Variants in SRC observed in about 807,000 individuals in gnomAD.
The protein encoded by SRC is proto-oncogene tyrosine-protein kinase Src.
In SRC, 13 loss-of-function variants were observed where a neutral mutation model predicts 62.9. That is an observed-to-expected ratio of 0.21 (90% CI 0.13 to 0.33). SRC has a LOEUF of 0.33. Among genes scored for constraint, SRC ranks in the 10% least tolerant of loss-of-function variants. The probability of loss-of-function intolerance (pLI) is 1.00; values close to 1 mark genes in which losing one functional copy is unlikely to be tolerated. For synonymous variants in SRC, 302 were observed against 317.5 expected, an observed-to-expected ratio of 0.95 and a Z score of 0.52; for missense variants, 457 against 737.3, an observed-to-expected ratio of 0.62 and a Z score of 4.40.
At chr20:37,370,694 A>G (rs2070149157) in intron 2 of SRC, among the ~76,000 whole-genome samples, 1 of 152,210 alleles carries the variant, frequency 6.6e-6, no homozygotes. Flanking sequence ...ATTTATATAC[A>G]TGTAATATAT....
Position 37,373,444 on chromosome 20 carries a change from TACGCATATATGCATATATAC to T in SRC, c.-173+8170_-173+8189del, listed in dbSNP as rs2070228053. 3.2e-5 allele frequency among the ~76,000 whole-genome samples: 3 copies of T among 95,016 alleles called. No homozygotes were observed. The East Asian group carries it at 8.7e-4, about 28-fold the overall frequency. The allele number at this position is 95,016 out of a possible 152,430, so 62.3% of individuals were successfully genotyped here. ...ATATATGCGTGTATATACGCATATA[TACGCATATATGCATATATAC>T]ACACACACATACATATATATATTTT... is the stretch of plus-strand genomic sequence containing the variant. On this transcript the variant is annotated intron_variant, in intron 2 of 13. Transcript: ENST00000373578.
chr20:37,366,921 G>A (rs1015920108), intron 2 of SRC, among the ~76,000 whole-genome samples: 2 of 151,974 alleles, frequency 1.3e-5, no homozygotes, highest in African/African-American at 4.8e-5. Flanking sequence ...TGGTAATTCC[G>A]TGTTTAACTT....
chr20:37,389,917 C>T (rs780137220), intron 5 of SRC, among the ~76,000 whole-genome samples: 16 of 152,112 alleles, frequency 1.1e-4, no homozygotes, highest in African/African-American at 3.6e-4. Flanking sequence ...GGACCAGGCC[C>T]GGGGGAAGGT....
At position 37,384,481 on chromosome 20, in the gene SRC, C is replaced by A; in HGVS notation, c.250+78C>A. On this transcript the variant is annotated intron_variant, in intron 4 of 13. Coordinates refer to ENST00000373578, the MANE Select transcript of SRC (RefSeq NM_198291.3). This position sits in a 1 kb window ranked among gnomAD's most constrained non-coding sequence, Gnocchi z 6.7. ...GGCGGCGGGGCTGTGTGCCCGGGGTCGCCCCCTCTGCGCAGGCCCTTCCTC... is the reference window on the plus strand; with the variant it reads ...GGCGGCGGGGCTGTGTGCCCGGGGTAGCCCCCTCTGCGCAGGCCCTTCCTC... 7.8e-7 allele frequency: 1 copy of A among 1,275,100 alleles called. No individual in the cohort carries two copies. The highest frequency in any genetic ancestry group is 2.6e-5 in the South Asian group (1 of 38,602). 79.0% of individuals were successfully genotyped at this position (1,275,100 alleles called of 1,614,324 possible).
chr20:37,398,251 C>T lies in SRC; in HGVS notation c.859+397C>T. ...AGCTGTTCGCCATGGAGAGAGAAGC[C>T]CGGCTCGCAGGAGGGAGTGCTGGGA... On this transcript the variant is annotated intron_variant, in intron 9 of 13. Coordinates refer to ENST00000373578, the MANE Select transcript of SRC (RefSeq NM_198291.3). This position sits in a 1 kb window ranked among gnomAD's most constrained non-coding sequence, Gnocchi z 5.2. Among the ~76,000 whole-genome samples, 2 of 152,132 alleles carry T rather than the reference C, an allele frequency of 1.3e-5. 1 individual carries two copies. Among genetic ancestry groups the T allele is most frequent in the Non-Finnish European group, 2.9e-5 (2 of 68,028 alleles).
intron 7 of SRC, among the ~76,000 whole-genome samples, chr20:37,394,850 G>T (rs1031382218): frequency 6.6e-6 from 1 of 152,150 alleles, no homozygotes. Context: ...CATCCATGTC[G>T]AGCCGTGCAT....
At chr20:37,385,715 G>A (rs754261835) in intron 4 of SRC, among the ~76,000 whole-genome samples, 2 of 152,198 alleles carry the variant, frequency 1.3e-5, no homozygotes, top group Non-Finnish European at 1.5e-5. Context: ...TCTTTCTTGA[G>A]CACCTACTAT....
rs562064689 is a variant in SRC, at chr20:37,390,388, C to CTTT, written c.351-3482_351-3480dup. The stretch of plus-strand genomic sequence containing the variant: ...CATGTTGTGCTGGGCTCTGATCTGG[C>CTTT]TTTTTTTTTTTTTTTTTTTTTTTTT... On this transcript the variant is annotated intron_variant, in intron 5 of 13. Transcript: ENST00000373578. 2.3e-4 allele frequency among the ~76,000 whole-genome samples: 20 copies of CTTT among 85,650 alleles called. 3 individuals are homozygous for CTTT. The highest frequency in any genetic ancestry group is 1.5e-3 in the South Asian group (4 of 2,684). 56.2% of individuals were successfully genotyped at this position (85,650 alleles called of 152,430 possible).
At position 37,384,512 on chromosome 20, in the gene SRC, A is replaced by G. The variant is rs1234115689; in HGVS notation, c.250+109A>G. Reference sequence around the variant, plus strand: ...CTCTGCGCAGGCCCTTCCTCTCGCCAGGGGTAGCGCCCCTGGGTGACTTGG... The same window carrying G: ...CTCTGCGCAGGCCCTTCCTCTCGCCGGGGGTAGCGCCCCTGGGTGACTTGG... On this transcript the variant is annotated intron_variant, in intron 4 of 13. Transcript: ENST00000373578. The surrounding 1 kb of genome is among the most constrained non-coding windows in gnomAD (Gnocchi z 6.7). 27 of 628,062 alleles carry G rather than the reference A, an allele frequency of 4.3e-5. No homozygotes were observed. The highest frequency in any genetic ancestry group is 4.4e-5 in the Non-Finnish European group (22 of 501,128). 38.9% of individuals were successfully genotyped at this position (628,062 alleles called of 1,614,324 possible).
At chr20:37,393,530 C>G (rs942301502) in intron 5 of SRC, among the ~76,000 whole-genome samples, 1 of 151,096 alleles carries the variant, frequency 6.6e-6, no homozygotes, top group South Asian at 2.1e-4. Context: ...TTCCCTCCCT[C>G]CCTCCCAAGG....
chr20:37,346,144 C>A lies in SRC; in HGVS notation c.-358C>A. The A allele has an allele frequency of 6.6e-6, 1 of 152,526 alleles. No individual in the cohort carries two copies. The highest frequency in any genetic ancestry group is 1.8e-4 in the South Asian group (1 of 5,626). 9.4% of individuals were successfully genotyped at this position (152,526 alleles called of 1,614,324 possible). A position where few individuals can be genotyped will look rare whatever the true frequency, so the allele number is the denominator to read the frequency against. On this transcript the variant is annotated 5_prime_UTR_variant, in exon 1 of 14. Coordinates refer to ENST00000373578, the MANE Select transcript of SRC (RefSeq NM_198291.3). ...GTCTCTCCCGGCCCGGAATCCATTC[C>A]GGCCTGGGAGCCGGAGCGGCCAGGC...
At chr20:37,382,995 T>G (rs1028378513) in intron 3 of SRC, among the ~76,000 whole-genome samples, 2 of 152,242 alleles carry the variant, frequency 1.3e-5, no homozygotes, top group African/African-American at 2.4e-5. Context: ...TGAAGTCCCT[T>G]AGCTCTTAAA....
chr20:37,367,759 A>G (rs1037626610), intron 2 of SRC, among the ~76,000 whole-genome samples: 3 of 151,736 alleles, frequency 2.0e-5, no homozygotes, highest in Non-Finnish European at 4.4e-5. Flanking sequence ...CAATCCTCCC[A>G]TCTCAGCCTC....
chr20:37,354,100 T>C (rs1375022624), intron 1 of SRC, among the ~76,000 whole-genome samples: 1 of 152,188 alleles, frequency 6.6e-6, no homozygotes, highest in Non-Finnish European at 1.5e-5. Flanking sequence ...CACCCCGTTA[T>C]CCAGATGGGA....
intron 9 of SRC, among the ~76,000 whole-genome samples, chr20:37,399,314 AT>A (rs1054540859): frequency 6.6e-6 from 1 of 152,068 alleles, no homozygotes; most frequent in African/African-American, 2.4e-5. Context: ...ACAGTGTCTC[AT>A]TTTGGGGGGC....
intron 2 of SRC, among the ~76,000 whole-genome samples, chr20:37,377,305 G>A (rs1489092972): frequency 6.6e-6 from 1 of 152,206 alleles, no homozygotes; most frequent in Non-Finnish European, 1.5e-5. Flanking sequence ...TTTTAAAGGG[G>A]AGGAAACTCA....
chr20:37,392,172 C>A (rs569757225), intron 5 of SRC, among the ~76,000 whole-genome samples: 1 of 152,118 alleles, frequency 6.6e-6, no homozygotes, highest in South Asian at 2.1e-4. Context: ...GTGTGTGTAG[C>A]CATCACAGAG....
Position 37,384,516 on chromosome 20 carries a change from G to A in SRC, c.250+113G>A. The A allele has an allele frequency of 8.7e-7, 1 of 1,146,170 alleles. No individual in the cohort carries two copies. Among genetic ancestry groups the A allele is most frequent in the Non-Finnish European group, 1.1e-6 (1 of 910,656 alleles). 71.0% of individuals were successfully genotyped at this position (1,146,170 alleles called of 1,614,324 possible). A position where few individuals can be genotyped will look rare whatever the true frequency, so the allele number is the denominator to read the frequency against. On this transcript the variant is annotated intron_variant, in intron 4 of 13. Transcript: ENST00000373578. The surrounding 1 kb of genome is among the most constrained non-coding windows in gnomAD (Gnocchi z 6.7). Reference sequence around the variant, plus strand: ...GCGCAGGCCCTTCCTCTCGCCAGGGGTAGCGCCCCTGGGTGACTTGGGTGT... The same window carrying A: ...GCGCAGGCCCTTCCTCTCGCCAGGGATAGCGCCCCTGGGTGACTTGGGTGT...
In SRC at chr20:37,397,539, T is replaced by G. The variant is rs974330554; in HGVS notation, c.704-160T>G. 1.3e-5 allele frequency among the ~76,000 whole-genome samples: 2 copies of G among 151,658 alleles called. No homozygotes were observed. Among genetic ancestry groups the G allele is most frequent in the African/African-American group, 4.9e-5 (2 of 41,218 alleles). The stretch of plus-strand genomic sequence containing the variant: ...AAAGCACTGTGGGCCTGTGTGGGGG[T>G]GGGGCTGTGTGCACACAGATGTAGA... On this transcript the variant is annotated intron_variant, in intron 8 of 13. Coordinates refer to ENST00000373578, the MANE Select transcript of SRC (RefSeq NM_198291.3). The surrounding 1 kb of genome is among the most constrained non-coding windows in gnomAD (Gnocchi z 4.1).
Sources: gnomAD v4.1 joint callset for allele counts (sites outside exome capture counted in the v4.1 genomes callset) on GRCh38, gnomAD v4.1.1 for gene constraint, Gnocchi (gnomAD v3.1) non-coding constraint, MANE v1.5 for transcripts, NCBI Gene and HGNC (gene_info 2026-07-23, HGNC 2026-07-21) for gene names.